PIGN: variants seen among roughly 807,000 people sequenced by gnomAD.
The protein encoded by PIGN is GPI ethanolamine phosphate transferase 1.
In PIGN, 117 loss-of-function variants were observed where a neutral mutation model predicts 125.4. That is an observed-to-expected ratio of 0.93 (90% CI 0.80 to 1.09). The LOEUF is 1.09. PIGN is among the 50% of genes least tolerant of loss of function. PIGN has a pLI of 0.00. For missense variants in PIGN, 1,075 were observed against 1,094.9 expected, an observed-to-expected ratio of 0.98 and a Z score of 0.26; for synonymous variants, 392 against 377.8, an observed-to-expected ratio of 1.04 and a Z score of -0.44.
At chr18:62,129,877 T>C (rs2035669580) in intron 14 of PIGN, among the ~76,000 whole-genome samples, 1 of 152,224 alleles carries the variant, frequency 6.6e-6, no homozygotes, top group Non-Finnish European at 1.5e-5. Flanking sequence ...TCTGGGAATG[T>C]GACCTGATTT....
In PIGN at chr18:62,162,338, C is replaced by T. The variant is rs537456133; in HGVS notation, c.-109-9G>A. On this transcript the variant is annotated splice_polypyrimidine_tract_variant and intron_variant, in intron 2 of 30. Transcript: ENST00000640252. Reference sequence around the variant, plus strand: ...CTATTGTTGGTGAATCTCTGCAGATCGAGGAGAAAAAAAAAAGTATTGGAA... The same window carrying T: ...CTATTGTTGGTGAATCTCTGCAGATTGAGGAGAAAAAAAAAAGTATTGGAA... 2 of 151,148 alleles carry T rather than the reference C, an allele frequency of 1.3e-5. No homozygotes were observed. The highest frequency in any genetic ancestry group is 2.1e-4 in the South Asian group (1 of 4,782). 9.4% of individuals were successfully genotyped at this position (151,148 alleles called of 1,614,324 possible). A position where few individuals can be genotyped will look rare whatever the true frequency, so the allele number is the denominator to read the frequency against.
intron 1 of PIGN, among the ~76,000 whole-genome samples, chr18:62,168,081 C>G (rs1230205068): frequency 6.6e-6 from 1 of 151,654 alleles, no homozygotes; most frequent in South Asian, 2.1e-4. Flanking sequence ...CCACTTGGGA[C>G]GCTGAGGCAG....
At chr18:62,149,065 A>G (rs1162908809) in intron 7 of PIGN, among the ~76,000 whole-genome samples, 1 of 152,214 alleles carries the variant, frequency 6.6e-6, no homozygotes, top group African/African-American at 2.4e-5. Context: ...ATTATTTTAA[A>G]TAAGTTAACA....
intron 16 of PIGN, among the ~76,000 whole-genome samples, chr18:62,111,034 C>T (rs1275444483): frequency 6.6e-6 from 1 of 151,624 alleles, no homozygotes; most frequent in Non-Finnish European, 1.5e-5. Context: ...TCTTATCAGT[C>T]CCTCGAACAA....
At chr18:62,123,717 G>GA (rs1215704299) in intron 14 of PIGN, among the ~76,000 whole-genome samples, 2 of 152,074 alleles carry the variant, frequency 1.3e-5, no homozygotes, top group African/African-American at 2.4e-5. Context: ...TTGAATTTTA[G>GA]ATATTAAGGG....
In PIGN at chr18:62,157,773, G is replaced by A. The variant is rs1211970508; in HGVS notation, c.257C>T (p.Ser86Phe). ...AGATTCTGTTGGCACACGTGTATGA[G>A]ATATGCCCCAGCTGCCTTCATGCAT... is the stretch of plus-strand genomic sequence containing the variant. Reference protein sequence around the residue: ...IIMHEGSWGISHTRVPTESRP... With the variant: ...IIMHEGSWGIFHTRVPTESRP... Residue 86 changes from serine (S) to phenylalanine (F), a missense_variant, in exon 5 of 31, where the codon TCT becomes TTT. Transcript: ENST00000640252. 2 of 1,611,932 alleles carry A rather than the reference G, an allele frequency of 1.2e-6. No homozygotes were observed. Among genetic ancestry groups the A allele is most frequent in the African/African-American group, 2.7e-5 (2 of 74,898 alleles).
At chr18:62,108,255 A>G (rs1004261755) in intron 17 of PIGN, among the ~76,000 whole-genome samples, 13 of 152,294 alleles carry the variant, frequency 8.5e-5, no homozygotes, top group Middle Eastern at 6.8e-3. Flanking sequence ...TTCCTATACA[A>G]TCTATCAAAA....
chr18:62,102,700 G>A, intron 21 of PIGN, 94 bp downstream of exon 21: 1 of 598,096 alleles, frequency 1.7e-6, no homozygotes, highest in Non-Finnish European at 2.9e-6. Context: ...GTAGCATAAA[G>A]GTAATGGCAT....
intron 30 of PIGN, among the ~76,000 whole-genome samples, chr18:62,061,810 T>G (rs1201246294): frequency 6.6e-6 from 1 of 152,144 alleles, no homozygotes; most frequent in Non-Finnish European, 1.5e-5. Context: ...ACTCAAAACT[T>G]AAATGCAACA....
intron 23 of PIGN, among the ~76,000 whole-genome samples, chr18:62,023,926 C>CTAAT (rs1308596682): frequency 6.6e-5 from 10 of 152,128 alleles, no homozygotes; most frequent in African/African-American, 2.4e-4. Context: ...TTACTTAGAG[C>CTAAT]TAATATACCA....
chr18:62,080,077 G>A (rs1317698124), intron 28 of PIGN, among the ~76,000 whole-genome samples: 2 of 151,946 alleles, frequency 1.3e-5, no homozygotes, highest in Middle Eastern at 3.2e-3. Context: ...ATTAATAGAG[G>A]GCATGAGAAA....
intron 14 of PIGN, among the ~76,000 whole-genome samples, chr18:62,120,222 A>C (rs771161901): frequency 1.1e-4 from 17 of 147,858 alleles, no homozygotes; most frequent in Non-Finnish European, 2.3e-4. Context: ...GGGAAGGGGA[A>C]GGGGACAAAT....
chr18:62,027,557 T>C, intron 23 of PIGN, among the ~76,000 whole-genome samples: 1 of 152,152 alleles, frequency 6.6e-6, no homozygotes. Flanking sequence ...TGTAGGTAGA[T>C]AACAGACACG....
chr18:62,105,518 G>A (rs1365980478), intron 20 of PIGN, 25 bp downstream of exon 20: 3 of 1,313,730 alleles, frequency 2.3e-6, no homozygotes, highest in South Asian at 1.3e-5. Flanking sequence ...ATTGAAAATA[G>A]AATAAAATAC....
chr18:62,160,705 C>T (rs2036919621), intron 4 of PIGN, among the ~76,000 whole-genome samples: 1 of 152,082 alleles, frequency 6.6e-6, no homozygotes, highest in South Asian at 2.1e-4. Flanking sequence ...AACGGGGTTT[C>T]TCCATGTTGG....
chr18:62,154,710 A>G, intron 6 of PIGN, 59 bp from the exon 7 acceptor site: 4 of 833,474 alleles, frequency 4.8e-6, no homozygotes, highest in Non-Finnish European at 8.1e-6. Context: ...CTATCATAAA[A>G]TATGAGCTAG....
chr18:62,156,065 TC>T (rs913124058), intron 6 of PIGN, among the ~76,000 whole-genome samples: 1 of 152,204 alleles, frequency 6.6e-6, no homozygotes, highest in African/African-American at 2.4e-5. Flanking sequence ...AGTGAAATGA[TC>T]AATCTTTCTG....
intron 1 of PIGN, among the ~76,000 whole-genome samples, chr18:62,178,253 T>G (rs1453870953): frequency 6.6e-6 from 1 of 152,102 alleles, no homozygotes; most frequent in Non-Finnish European, 1.5e-5. Flanking sequence ...GAAATTCAGC[T>G]GCCCTCTTCT....
intron 30 of PIGN, among the ~76,000 whole-genome samples, chr18:62,064,705 T>TCTA (rs1225666517): frequency 6.6e-6 from 1 of 152,216 alleles, no homozygotes; most frequent in Admixed American, 6.5e-5. Context: ...TCTACTCTAG[T>TCTA]AATATCATTA....
Sources: gnomAD v4.1 joint callset for allele counts (sites outside exome capture counted in the v4.1 genomes callset) on GRCh38, gnomAD v4.1.1 for gene constraint, MANE v1.5 for transcripts, NCBI Gene and HGNC (gene_info 2026-07-23, HGNC 2026-07-21) for gene names.